GARIN3: variants seen among roughly 807,000 people sequenced by gnomAD.
The protein encoded by GARIN3 is Golgi-associated RAB2 interactor protein 3.
the GARIN3 span, chr5:157,162,915 A>G: frequency 6.2e-7 from 1 of 1,613,988 alleles, no homozygotes; most frequent in Non-Finnish European, 8.5e-7. Flanking sequence ...GGTGACTTTC[A>G]CCTGCCTTGC....
At chr5:157,162,857 C>T in the GARIN3 span, 12 of 1,614,046 alleles carry the variant, frequency 7.4e-6, no homozygotes, top group African/African-American at 2.7e-5. Flanking sequence ...TGGCCAGATG[C>T]GGACCGGTGG....
At chr5:157,165,668 A>G in the GARIN3 span, 1 of 1,614,198 alleles carries the variant, frequency 6.2e-7, no homozygotes. Context: ...GTTTTTCCCA[A>G]TAGCAAAAGA....
the GARIN3 span, chr5:157,163,691 G>C: frequency 1.3e-6 from 2 of 1,587,420 alleles, no homozygotes; most frequent in Admixed American, 1.7e-5. Context: ...AGATGAGATT[G>C]AGATGACTGA....
At chr5:157,165,519 C>G in the GARIN3 span, 1 of 1,556,726 alleles carries the variant, frequency 6.4e-7, no homozygotes, top group Non-Finnish European at 8.7e-7. Context: ...GAACTGCTCC[C>G]CCAAAGAACC....
the GARIN3 span, among the ~76,000 whole-genome samples, chr5:157,164,004 C>T: frequency 1.3e-5 from 2 of 151,748 alleles, no homozygotes; most frequent in Admixed American, 6.6e-5. Flanking sequence ...CTGCAGTGAG[C>T]CAAGACTGCG....
the GARIN3 span, chr5:157,165,582 T>G: frequency 1.9e-6 from 3 of 1,612,196 alleles, no homozygotes; most frequent in Non-Finnish European, 2.5e-6. Context: ...TTTGTTGTCT[T>G]CGGGTGGTGC....
chr5:157,165,593 G>C, the GARIN3 span: 2 of 1,613,276 alleles, frequency 1.2e-6, no homozygotes, highest in East Asian at 2.2e-5. Context: ...CGGGTGGTGC[G>C]TCCCCAGATA....
At chr5:157,165,869 G>A in the GARIN3 span, 2 of 1,614,180 alleles carry the variant, frequency 1.2e-6, no homozygotes, top group Non-Finnish European at 1.7e-6. Flanking sequence ...GGCCCCATCT[G>A]ACATGCTGTT....
the GARIN3 span, chr5:157,163,130 T>C: frequency 6.2e-7 from 1 of 1,614,208 alleles, no homozygotes; most frequent in Non-Finnish European, 8.5e-7. Flanking sequence ...GTCGTAATAC[T>C]GCCTGCAAAC....
At chr5:157,162,327 T>G in the GARIN3 span, 7 of 1,404,700 alleles carry the variant, frequency 5.0e-6, no homozygotes, top group Non-Finnish European at 6.7e-6. Flanking sequence ...AAGCAGGAGA[T>G]TGTATTTCTT....
At chr5:157,165,400 G>A in the GARIN3 span, among the ~76,000 whole-genome samples, 1 of 152,166 alleles carries the variant, frequency 6.6e-6, no homozygotes, top group African/African-American at 2.4e-5. Flanking sequence ...CCACCTCCCA[G>A]TGTGGTAAGT....
At chr5:157,163,371 T>C in the GARIN3 span, 1 of 1,614,148 alleles carries the variant, frequency 6.2e-7, no homozygotes. Flanking sequence ...TGGTTGTTGC[T>C]ATGCTCATAG....
the GARIN3 span, chr5:157,165,889 T>C: frequency 6.2e-7 from 1 of 1,614,188 alleles, no homozygotes; most frequent in South Asian, 1.1e-5. Context: ...TCACAGATTT[T>C]AGTTGGTTGG....
At chr5:157,162,879 C>T in the GARIN3 span, 7 of 1,614,164 alleles carry the variant, frequency 4.3e-6, no homozygotes, top group Non-Finnish European at 5.9e-6. Context: ...AAGACGCTTT[C>T]TGATTCTTGT....
the GARIN3 span, chr5:157,162,528 AC>A: frequency 1.9e-6 from 3 of 1,613,828 alleles, no homozygotes; most frequent in Non-Finnish European, 2.5e-6. Flanking sequence ...GCTCCTGGCC[AC>A]CCTGGGCTTT....
the GARIN3 span, chr5:157,163,372 A>G: frequency 2.5e-6 from 4 of 1,614,126 alleles, no homozygotes; most frequent in South Asian, 1.1e-5. Flanking sequence ...GGTTGTTGCT[A>G]TGCTCATAGC....
At chr5:157,164,903 C>A in the GARIN3 span, among the ~76,000 whole-genome samples, 1 of 151,964 alleles carries the variant, frequency 6.6e-6, no homozygotes, top group Non-Finnish European at 1.5e-5. Context: ...GCCTGTAATC[C>A]CAGCTACTCA....
At chr5:157,163,439 T>C in the GARIN3 span, 1 of 1,614,206 alleles carries the variant, frequency 6.2e-7, no homozygotes, top group South Asian at 1.1e-5. Context: ...CTAGGTCCTG[T>C]TGCTGTTCCT....
chr5:157,166,129 T>A, the GARIN3 span: 1 of 1,614,074 alleles, frequency 6.2e-7, no homozygotes, highest in Non-Finnish European at 8.5e-7. Flanking sequence ...GAAGAGTAGC[T>A]GTGGGCTGTG....
Sources: gnomAD v4.1 joint callset for allele counts (sites outside exome capture counted in the v4.1 genomes callset) on GRCh38, gnomAD v4.1.1 for gene constraint, MANE v1.5 for transcripts, NCBI Gene and HGNC (gene_info 2026-07-23, HGNC 2026-07-21) for gene names.